Variants in ZFP30 observed in about 807,000 individuals in gnomAD.
The protein encoded by ZFP30 is ZFP30 zinc finger protein, also known as zinc finger protein 30 homolog.
In ZFP30, 16 loss-of-function variants were observed where a neutral mutation model predicts 12.3. The ratio of observed to expected loss-of-function variants is 1.30; its 90% CI spans 0.88 to 1.98. The LOEUF (loss-of-function observed/expected upper bound fraction) is 1.98. ZFP30 is among the 30% of genes most tolerant of loss of function. The pLI is 0.00. For missense variants in ZFP30, 560 were observed against 611.2 expected (o/e 0.92, Z 0.88); for synonymous variants, 172 against 201.0 (o/e 0.86, Z 1.22).
At chr19:37,642,185 T>G (rs534896282) in intron 5 of ZFP30, among the ~76,000 whole-genome samples, 1 of 152,352 alleles carries the variant, frequency 6.6e-6, no homozygotes, top group South Asian at 2.1e-4. Flanking sequence ...CACTGAACAC[T>G]TTTATTAAGA....
Position 37,644,640 on chromosome 19 carries a change from A to T in ZFP30, c.106T>A (p.Leu36Ile). Residue 36 changes from leucine to isoleucine, a missense_variant, in exon 4 of 6, where the codon TTA (leucine) becomes ATA (isoleucine). By Grantham distance (5) the Leu-to-Ile change is conservative. Coordinates refer to ENST00000684514, the MANE Select transcript of ZFP30 (RefSeq NM_001320669.3). The part of the protein sequence containing the change: ...YQRNLYRDVI[L>I]ENYSNLVSLA... ...GACACCAAGTTGCTATAGTTCTCTA[A>T]TATCACATCTCTGTACAAATTCCTC... 1.2e-6 allele frequency: 2 copies of T among 1,610,622 alleles called. No individual in the cohort carries two copies. The highest frequency in any genetic ancestry group is 1.7e-6 in the Non-Finnish European group (2 of 1,178,704).
rs748755788 is a variant in ZFP30, at chr19:37,635,132, T to G, written c.1409A>C (p.Glu470Ala). Residue 470 changes from glutamate to alanine, a missense_variant, in exon 6 of 6, where the codon GAA becomes GCA. Coordinates refer to ENST00000684514, the MANE Select transcript of ZFP30 (RefSeq NM_001320669.3). ...HTGEKPYDCK[E>A]CGKAFRLHSS... is the part of the protein sequence containing the mutation. ...ATGAAGTCTAAAGGCCTTTCCACAT[T>G]CCTTACAGTCATAGGGCTTTTCACC... is the stretch of plus-strand genomic sequence containing the variant. 8.9e-5 allele frequency: 143 copies of G among 1,612,914 alleles called. No homozygotes were observed. The highest frequency in any genetic ancestry group is 1.2e-4 in the Non-Finnish European group (143 of 1,179,578).
intron 4 of ZFP30, among the ~76,000 whole-genome samples, chr19:37,643,646 C>T (rs997119836): frequency 6.6e-6 from 1 of 152,030 alleles, no homozygotes; most frequent in Non-Finnish European, 1.5e-5. Flanking sequence ...TTTTCTCAGA[C>T]GTGAAAAAGG....
chr19:37,638,413 G>C (rs2044371516), intron 5 of ZFP30, among the ~76,000 whole-genome samples: 1 of 152,146 alleles, frequency 6.6e-6, no homozygotes, highest in East Asian at 1.9e-4. Context: ...GTAAAATTCT[G>C]AGCAAAGAGA....
intron 3 of ZFP30, among the ~76,000 whole-genome samples, chr19:37,645,893 T>A (rs1315287082): frequency 1.3e-5 from 2 of 152,182 alleles, no homozygotes; most frequent in Non-Finnish European, 2.9e-5. Context: ...ATTAGCATTT[T>A]TATTATAACA....
chr19:37,636,440 A>G (rs2044329550), intron 5 of ZFP30, 135 bp from the exon 6 acceptor site: 22 of 900,340 alleles, frequency 2.4e-5, no homozygotes, highest in Non-Finnish European at 3.3e-5. Context: ...TGGGCTCAAA[A>G]TCTCTAAAAT....
In ZFP30 at chr19:37,636,312, G is replaced by C. The variant is rs759594365; in HGVS notation, c.236-7C>G. 2.0e-6 allele frequency: 3 copies of C among 1,481,080 alleles called. No homozygotes were observed. The highest frequency in any genetic ancestry group is 2.7e-6 in the Non-Finnish European group (3 of 1,118,358). 91.7% of individuals were successfully genotyped at this position (1,481,080 alleles called of 1,614,324 possible). A position where few individuals can be genotyped will look rare whatever the true frequency, so the allele number is the denominator to read the frequency against. On this transcript the variant is annotated splice_region_variant and splice_polypyrimidine_tract_variant and intron_variant, in intron 5 of 5. Transcript: ENST00000684514. Reference sequence around the variant, plus strand: ...TCATATCTGGATTCCAAATCTGAAAGAAAACAAGACCAAAACATATTTTCC... The same window carrying C: ...TCATATCTGGATTCCAAATCTGAAACAAAACAAGACCAAAACATATTTTCC...
chr19:37,642,243 G>A (rs1283695603), intron 5 of ZFP30, among the ~76,000 whole-genome samples: 1 of 152,118 alleles, frequency 6.6e-6, no homozygotes, highest in African/African-American at 2.4e-5. Flanking sequence ...TTATAAGAAA[G>A]GCAGGATAAA....
chr19:37,632,522 A>G lies in ZFP30; in HGVS notation c.*2459T>C, dbSNP rs1271052339. ...CTTTTTATTGTTTATGCCAGCGCTG[A>G]CAATAGAAATACGTGAGCTACATAT... On this transcript the variant is annotated 3_prime_UTR_variant, in exon 6 of 6. Coordinates refer to ENST00000684514, the MANE Select transcript of ZFP30 (RefSeq NM_001320669.3). 1 of 152,208 alleles carries G rather than the reference A, an allele frequency of 6.6e-6. No individual in the cohort carries two copies. The highest frequency in any genetic ancestry group is 1.5e-5 in the Non-Finnish European group (1 of 68,030). 9.4% of individuals were successfully genotyped at this position (152,208 alleles called of 1,614,324 possible). A position where few individuals can be genotyped will look rare whatever the true frequency, so the allele number is the denominator to read the frequency against.
In ZFP30 at chr19:37,635,349, T is replaced by C; in HGVS notation, c.1192A>G (p.Ile398Val). 1.2e-6 allele frequency: 2 copies of C among 1,614,044 alleles called. No individual in the cohort carries two copies. The highest frequency in any genetic ancestry group is 1.7e-6 in the Non-Finnish European group (2 of 1,180,000). ...QKFFRRYSEL[I>V]SHQGIHIGEK... The stretch of plus-strand genomic sequence containing the variant: ...CCAATGTGAATACCCTGATGTGAAA[T>C]AAGTTCTGAGTAACGACGAAAGAAC... The change falls in exon 6 of 6, where the codon ATT becomes GTT. Residue 398 changes from isoleucine (I) to valine (V), a missense_variant. Physicochemically the swap from Ile to Val is conservative, Grantham distance 29. Coordinates refer to ENST00000684514, the MANE Select transcript of ZFP30 (RefSeq NM_001320669.3).
intron 5 of ZFP30, among the ~76,000 whole-genome samples, chr19:37,640,171 T>C (rs780358765): frequency 3.2e-4 from 48 of 152,134 alleles, no homozygotes; most frequent in Non-Finnish European, 6.5e-4. Context: ...TGCCCTCAGA[T>C]TGCTTCACAA....
Position 37,634,886 on chromosome 19 carries a change from G to A in ZFP30, c.*95C>T. On this transcript the variant is annotated 3_prime_UTR_variant, in exon 6 of 6. Transcript: ENST00000684514. ...ACTTCCTATGCTTAGTTGTGAGCAT[G>A]AAGCAAAAGGGATTCCCACGTTCAA... 1 of 1,329,040 alleles carries A rather than the reference G, an allele frequency of 7.5e-7. No homozygotes were observed. Among genetic ancestry groups the A allele is most frequent in the Non-Finnish European group, 9.9e-7 (1 of 1,011,728 alleles). 82.3% of individuals were successfully genotyped at this position (1,329,040 alleles called of 1,614,324 possible).
chr19:37,647,011 T>A (rs2044555740), intron 3 of ZFP30, among the ~76,000 whole-genome samples: 1 of 152,226 alleles, frequency 6.6e-6, no homozygotes, highest in Non-Finnish European at 1.5e-5. Context: ...TTACTTTTTT[T>A]AATGTGACTA....
rs545727683 is a variant in ZFP30, at chr19:37,644,242, T to G, written c.136+368A>C. ...GCACAAAGCAGACATTTAGCTAGTT[T>G]TTAGAAAGACAGCCCAGACGCGGTG... is the stretch of plus-strand genomic sequence containing the variant. On this transcript the variant is annotated intron_variant, in intron 4 of 5. Transcript: ENST00000684514. 2.0e-5 allele frequency among the ~76,000 whole-genome samples: 3 copies of G among 152,270 alleles called. No homozygotes were observed. In the South Asian group the frequency reaches 6.2e-4, roughly 32 times the overall value.
At chr19:37,643,067 A>AG (rs1194148753) in intron 5 of ZFP30, among the ~76,000 whole-genome samples, 198 bp downstream of exon 5, 6 of 151,396 alleles carry the variant, frequency 4.0e-5, no homozygotes, top group Middle Eastern at 3.4e-3. Context: ...AAAAAAAAAA[A>AG]AAAAGAAAAA....
At chr19:37,650,146 C>T (rs2044620875) in intron 2 of ZFP30, among the ~76,000 whole-genome samples, 1 of 149,992 alleles carries the variant, frequency 6.7e-6, no homozygotes, top group African/African-American at 2.5e-5. Flanking sequence ...TTTAGGCAGG[C>T]TTTTGCTCTG....
chr19:37,644,952 A>G (rs2044512055), intron 3 of ZFP30, among the ~76,000 whole-genome samples: 1 of 151,940 alleles, frequency 6.6e-6, no homozygotes, highest in Non-Finnish European at 1.5e-5. Context: ...CACACCTGTA[A>G]TCCAGCACTT....
Position 37,635,484 on chromosome 19 carries a change from G to T in ZFP30, c.1057C>A (p.Pro353Thr). 1 of 1,614,088 alleles carries T rather than the reference G, an allele frequency of 6.2e-7. No homozygotes were observed. The highest frequency in any genetic ancestry group is 8.5e-7 in the Non-Finnish European group (1 of 1,180,032). ...TTCCCACATTCCTTACAATCATAAG[G>T]CTTCTCACCAGTGTGAATTCTCTGA... ...LHQRIHTGEKPYDCKECGKTF... is the reference protein window; with the variant it reads ...LHQRIHTGEKTYDCKECGKTF... The change falls in exon 6 of 6, where the codon CCT becomes ACT. Residue 353 changes from proline to threonine, a missense_variant. Physicochemically the swap from Pro to Thr is conservative, Grantham distance 38. Transcript: ENST00000684514.
At chr19:37,652,567 T>A (rs866995311) in intron 2 of ZFP30, among the ~76,000 whole-genome samples, 1 of 151,750 alleles carries the variant, frequency 6.6e-6, no homozygotes, top group Non-Finnish European at 1.5e-5. Context: ...AAACTCCACC[T>A]CAAAAAAATA....
Sources: allele counts gnomAD v4.1 joint callset (sites outside exome capture counted in the v4.1 genomes callset), GRCh38; gene constraint gnomAD v4.1.1; transcripts MANE v1.5; gene names NCBI Gene and HGNC (gene_info 2026-07-23, HGNC 2026-07-21).